The following PRKCB variants were observed in gnomAD, a reference collection of about 807,000 sequenced individuals.
The protein encoded by PRKCB is protein kinase C beta, also known as protein kinase C beta type.
Under a neutral mutation model 81.5 loss-of-function variants are expected in PRKCB, and 13 were observed. The observed-to-expected ratio is 0.16, with a 90% confidence interval of 0.10 to 0.25. The LOEUF (loss-of-function observed/expected upper bound fraction) is 0.25. Among genes scored for constraint, PRKCB ranks in the 10% least tolerant of loss-of-function variants. The pLI is 1.00. For missense variants in PRKCB, 509 were observed against 875.7 expected (o/e 0.58, Z 5.29); for synonymous variants, 335 against 321.4 (o/e 1.04, Z -0.45).
chr16:23,982,088 C>T (rs1305361801), intron 2 of PRKCB, among the ~76,000 whole-genome samples: 3 of 95,830 alleles, frequency 3.1e-5, no homozygotes, highest in Non-Finnish European at 2.1e-5. Context: ...CCTTTCCCTT[C>T]CCTTTCCTTT....
intron 2 of PRKCB, among the ~76,000 whole-genome samples, chr16:23,958,799 C>T (rs191867984): frequency 3.2e-4 from 48 of 150,562 alleles, no homozygotes; most frequent in Admixed American, 3.1e-3. Context: ...ATTTTAAGTA[C>T]CTCCTTACCA....
chr16:24,059,822 C>G (rs987541938), intron 5 of PRKCB, among the ~76,000 whole-genome samples: 1 of 152,124 alleles, frequency 6.6e-6, no homozygotes, highest in African/African-American at 2.4e-5. Flanking sequence ...ATGATAAACA[C>G]GAGGCTAAGA....
intron 16 of PRKCB, among the ~76,000 whole-genome samples, chr16:24,194,394 C>CAAAAAAAAAAAAAAAAAA (rs1384880007): frequency 6.6e-6 from 1 of 151,918 alleles, no homozygotes; most frequent in African/African-American, 2.4e-5. Flanking sequence ...TTTTATATAT[C>CAAAAAAAAAAAAAAAAAA]AGAACAAATT....
intron 16 of PRKCB, among the ~76,000 whole-genome samples, chr16:24,199,157 T>C (rs1197149704): frequency 1.3e-5 from 2 of 152,250 alleles, no homozygotes; most frequent in Non-Finnish European, 2.9e-5. Flanking sequence ...TCCAAAATAC[T>C]ACTTGGGCTA....
intron 3 of PRKCB, among the ~76,000 whole-genome samples, chr16:24,018,634 G>C (rs17755496): frequency 6.6e-6 from 1 of 152,200 alleles, no homozygotes; most frequent in Admixed American, 6.5e-5. Context: ...TTCTGCCAAA[G>C]TTTATACAAT....
chr16:24,160,301 G>A (rs1690090523), intron 10 of PRKCB, among the ~76,000 whole-genome samples: 1 of 151,700 alleles, frequency 6.6e-6, no homozygotes, highest in South Asian at 2.1e-4. Flanking sequence ...TAAAATTTAG[G>A]GAGCACTGCA....
chr16:24,030,038 T>C (rs1965531901), intron 3 of PRKCB, among the ~76,000 whole-genome samples: 1 of 152,184 alleles, frequency 6.6e-6, no homozygotes, highest in South Asian at 2.1e-4. Flanking sequence ...TAGCTGGGAC[T>C]ACAGGCATAT....
intron 2 of PRKCB, among the ~76,000 whole-genome samples, chr16:23,987,217 C>T (rs925289833): frequency 5.3e-5 from 8 of 152,092 alleles, no homozygotes; most frequent in Non-Finnish European, 8.8e-5. Context: ...ATGTTCTGCA[C>T]GTGTATCCCA....
At chr16:24,208,045 G>C (rs1322021515) in intron 16 of PRKCB, 1 of 152,310 alleles carries the variant, frequency 6.6e-6, no homozygotes, top group African/African-American at 2.4e-5. Context: ...AGGAGTGTGG[G>C]CTTTGGGCAA....
At chr16:23,873,210 GAA>G (rs1304675240) in intron 2 of PRKCB, among the ~76,000 whole-genome samples, 1 of 124,474 alleles carries the variant, frequency 8.0e-6, no homozygotes, top group African/African-American at 2.9e-5. Flanking sequence ...AAAAAAAAAA[GAA>G]AAAAAAAGTT....
chr16:24,024,114 A>G (rs7188812), intron 3 of PRKCB, among the ~76,000 whole-genome samples: 113,190 of 152,118 alleles, frequency 0.74, 42,944 homozygotes, highest in African/African-American at 0.89. Context: ...TTGTTTCTCC[A>G]GGTTCCTCAG....
At chr16:24,002,350 C>T (rs945131139) in intron 3 of PRKCB, among the ~76,000 whole-genome samples, 4 of 150,460 alleles carry the variant, frequency 2.7e-5, no homozygotes, top group East Asian at 3.9e-4. Flanking sequence ...TGCGTGCGTG[C>T]GTGTGTGTGT....
Position 24,021,335 on chromosome 16 carries a change from C to T in PRKCB, c.289-10801C>T, listed in dbSNP as rs1009330058. Among the ~76,000 whole-genome samples, 378 of 70,290 alleles carry T rather than the reference C, an allele frequency of 5.4e-3. 74 individuals carry two copies. Among genetic ancestry groups the T allele is most frequent in the African/African-American group, 0.026 (365 of 13,956 alleles). The allele number at this position is 70,290 out of a possible 152,430, so 46.1% of individuals were successfully genotyped here. A position where few individuals can be genotyped will look rare whatever the true frequency, so the allele number is the denominator to read the frequency against. On this transcript the variant is annotated intron_variant, in intron 3 of 16. Coordinates refer to ENST00000643927, the MANE Select transcript of PRKCB (RefSeq NM_002738.7). ...CCTTCCTTCCTTCCTTCCTTCCTTCCTTCCTTCCTTCCTTCCTTCCTCCTT... is the reference window on the plus strand; with the variant it reads ...CCTTCCTTCCTTCCTTCCTTCCTTCTTTCCTTCCTTCCTTCCTTCCTCCTT...
chr16:24,049,202 GGTTAT>G, intron 5 of PRKCB, among the ~76,000 whole-genome samples: 1 of 151,344 alleles, frequency 6.6e-6, no homozygotes, highest in South Asian at 2.1e-4. Context: ...CCAGGGAATG[GGTTAT>G]GTGAATCTGG....
At chr16:24,196,859 G>C (rs1422157873) in intron 16 of PRKCB, among the ~76,000 whole-genome samples, 9 of 152,204 alleles carry the variant, frequency 5.9e-5, no homozygotes, top group Non-Finnish European at 1.3e-4. Context: ...TAGTGAAGGG[G>C]TATATACAGT....
chr16:23,915,689 C>CAAAAAAAAAAA (rs71154259), intron 2 of PRKCB, among the ~76,000 whole-genome samples: 42 of 54,528 alleles, frequency 7.7e-4, no homozygotes, highest in African/African-American at 1.6e-3. Context: ...GACTCTCTAT[C>CAAAAAAAAAAA]AAAAAAAAAA....
intron 2 of PRKCB, among the ~76,000 whole-genome samples, chr16:23,942,715 TAA>T (rs779113026): frequency 9.2e-5 from 14 of 152,238 alleles, no homozygotes; most frequent in Non-Finnish European, 1.5e-4. Context: ...AACTGCTTGT[TAA>T]AAGTTAGTTA....
At chr16:23,845,752 G>A (rs547697108) in intron 2 of PRKCB, among the ~76,000 whole-genome samples, 41 of 152,322 alleles carry the variant, frequency 2.7e-4, no homozygotes, top group African/African-American at 9.4e-4. Flanking sequence ...ACCTTGAGAT[G>A]GCTTCTTTCC....
chr16:24,047,707 A>G (rs2141867121), intron 5 of PRKCB, among the ~76,000 whole-genome samples: 1 of 152,298 alleles, frequency 6.6e-6, no homozygotes, highest in East Asian at 1.9e-4. Flanking sequence ...AGAAACACCC[A>G]CCATACCAGT....
Sources: allele counts gnomAD v4.1 joint callset (sites outside exome capture counted in the v4.1 genomes callset), GRCh38; gene constraint gnomAD v4.1.1; transcripts MANE v1.5; gene names NCBI Gene and HGNC (gene_info 2026-07-23, HGNC 2026-07-21).